The following PEMT variants were observed in gnomAD, a reference collection of about 807,000 sequenced individuals.
The protein encoded by PEMT is phosphatidylethanolamine N-methyltransferase.
A neutral mutation model predicts 27.4 loss-of-function variants in PEMT; 23 were observed. That is an observed-to-expected ratio of 0.84 (90% CI 0.60 to 1.19). The LOEUF (loss-of-function observed/expected upper bound fraction) is 1.19. Among genes scored for constraint, PEMT ranks in the 50% most tolerant of loss-of-function variants. PEMT has a pLI of 0.00. For synonymous variants in PEMT, 137 were observed against 139.1 expected (o/e 0.98, Z 0.11); for missense variants, 307 against 310.1 (o/e 0.99, Z 0.07).
At chr17:17,571,168 G>GAGGTCATTCACTCTCTGAGGACAC in intron 2 of PEMT, among the ~76,000 whole-genome samples, 1 of 152,010 alleles carries the variant, frequency 6.6e-6, no homozygotes, top group Non-Finnish European at 1.5e-5. Context: ...TGGAAGGACA[G>GAGGTCATTCACTCTCTGAGGACAC]AGGTCATTCA....
chr17:17,508,789 C>T lies in PEMT; in HGVS notation c.578+645G>A, dbSNP rs540526988. 6.4e-5 allele frequency: 30 copies of T among 466,662 alleles called. 1 individual carries two copies. The highest frequency in any genetic ancestry group is 4.1e-4 in the South Asian group (26 of 64,196). 28.9% of individuals were successfully genotyped at this position (466,662 alleles called of 1,614,324 possible). A position where few individuals can be genotyped will look rare whatever the true frequency, so the allele number is the denominator to read the frequency against. On this transcript the variant is annotated intron_variant, in intron 5 of 6. Coordinates refer to ENST00000255389, the MANE Select transcript of PEMT (RefSeq NM_148172.3). ...GAGGCCGACAGCAGTTCTAGGCTTCCCTCATGGCACGGGGCCCCCTCTGTG... is the reference window on the plus strand; with the variant it reads ...GAGGCCGACAGCAGTTCTAGGCTTCTCTCATGGCACGGGGCCCCCTCTGTG...
At chr17:17,564,064 C>T (rs1331919130) in intron 2 of PEMT, among the ~76,000 whole-genome samples, 1 of 152,186 alleles carries the variant, frequency 6.6e-6, no homozygotes, top group South Asian at 2.1e-4. Flanking sequence ...GCCCTCTTGG[C>T]TAAGGTGGTT....
chr17:17,570,835 C>G (rs1281336974), intron 2 of PEMT: 1 of 985,278 alleles, frequency 1.0e-6, no homozygotes, highest in East Asian at 1.1e-4. Context: ...GGCACGAAGC[C>G]AGGTAGAGTC....
At chr17:17,572,790 A>T (rs536937007) in intron 2 of PEMT, among the ~76,000 whole-genome samples, 1 of 152,358 alleles carries the variant, frequency 6.6e-6, no homozygotes, top group South Asian at 2.1e-4. Context: ...TATTAACAGC[A>T]TTTGCTGTGA....
intron 2 of PEMT, among the ~76,000 whole-genome samples, chr17:17,525,338 C>G (rs151182890): frequency 3.9e-5 from 6 of 152,280 alleles, no homozygotes; most frequent in African/African-American, 1.4e-4. Context: ...TGCCTCCCAG[C>G]GAACTGGTAT....
At chr17:17,516,323 C>T (rs1906833094) in intron 3 of PEMT, among the ~76,000 whole-genome samples, 1 of 152,120 alleles carries the variant, frequency 6.6e-6, no homozygotes, top group Admixed American at 6.6e-5. Flanking sequence ...ATCTATGCAA[C>T]CCCCGAGACC....
At chr17:17,522,998 GT>G (rs1012624848) in intron 2 of PEMT, among the ~76,000 whole-genome samples, 46 of 152,050 alleles carry the variant, frequency 3.0e-4, no homozygotes, top group African/African-American at 9.9e-4. Context: ...CTTTTACTTT[GT>G]TTTTTTTCAA....
At chr17:17,586,228 GAAA>G (rs1912259288) in intron 1 of PEMT, among the ~76,000 whole-genome samples, 1 of 65,120 alleles carries the variant, frequency 1.5e-5, no homozygotes, top group Non-Finnish European at 2.8e-5. Context: ...AAGAAAGAAA[GAAA>G]GAAAGAAAGA....
chr17:17,507,337 G>GC (rs1905957637), intron 5 of PEMT: 12 of 697,484 alleles, frequency 1.7e-5, no homozygotes, highest in Non-Finnish European at 2.5e-5. Context: ...GTGCCAAGCT[G>GC]CCCCCTCCCC....
chr17:17,540,038 G>A lies in PEMT; in HGVS notation c.205-17643C>T, dbSNP rs542528657. 3.3e-5 allele frequency among the ~76,000 whole-genome samples: 5 copies of A among 152,360 alleles called. No homozygotes were observed. The East Asian group carries it at 5.8e-4, about 18-fold the overall frequency. ...AGGAACAAAGGCTGGGGGCATGGAA[G>A]GACAGAGACATCTTCTGGAAAAGAC... On this transcript the variant is annotated intron_variant, in intron 2 of 6. Coordinates refer to ENST00000255389, the MANE Select transcript of PEMT (RefSeq NM_148172.3).
chr17:17,554,927 T>C (rs1395782805), intron 2 of PEMT, among the ~76,000 whole-genome samples: 2 of 152,094 alleles, frequency 1.3e-5, no homozygotes, highest in Admixed American at 1.3e-4. Context: ...GCAGATTTTT[T>C]TAAAGGTCCC....
intron 4 of PEMT, among the ~76,000 whole-genome samples, chr17:17,510,426 G>A (rs1194666949): frequency 6.6e-6 from 1 of 152,200 alleles, no homozygotes; most frequent in African/African-American, 2.4e-5. Flanking sequence ...GAGGACAATG[G>A]AGCTTCATCC....
chr17:17,519,424 T>A (rs375915738), intron 3 of PEMT, among the ~76,000 whole-genome samples: 2 of 152,148 alleles, frequency 1.3e-5, no homozygotes, highest in Non-Finnish European at 2.9e-5. Flanking sequence ...AACGCTGATA[T>A]GAGAGGAGGG....
At chr17:17,565,727 G>T (rs1910785374) in intron 2 of PEMT, among the ~76,000 whole-genome samples, 1 of 152,272 alleles carries the variant, frequency 6.6e-6, no homozygotes, top group Admixed American at 6.5e-5. Context: ...CTCCCAGGCT[G>T]ACTCCGCACT....
chr17:17,550,380 G>C (rs901463283), intron 2 of PEMT, among the ~76,000 whole-genome samples: 2 of 152,202 alleles, frequency 1.3e-5, no homozygotes, highest in African/African-American at 4.8e-5. Context: ...CTTTGCAGAT[G>C]CACAGCTGGG....
chr17:17,528,157 C>A (rs535905807), intron 2 of PEMT, among the ~76,000 whole-genome samples: 1 of 152,230 alleles, frequency 6.6e-6, no homozygotes, highest in South Asian at 2.1e-4. Flanking sequence ...GTGGGCCGTG[C>A]GCCAGCACAG....
At chr17:17,528,131 C>G (rs1907826675) in intron 2 of PEMT, among the ~76,000 whole-genome samples, 1 of 152,256 alleles carries the variant, frequency 6.6e-6, no homozygotes, top group South Asian at 2.1e-4. Flanking sequence ...GAGCCCATCC[C>G]TTTTGTTTAG....
chr17:17,514,957 G>C (rs1906708212), intron 3 of PEMT, among the ~76,000 whole-genome samples: 1 of 152,204 alleles, frequency 6.6e-6, no homozygotes, highest in African/African-American at 2.4e-5. Flanking sequence ...TTAGAGTCTG[G>C]GGCAGGGCAT....
chr17:17,527,031 G>A (rs1318924887), intron 2 of PEMT, among the ~76,000 whole-genome samples: 2 of 151,984 alleles, frequency 1.3e-5, no homozygotes. Flanking sequence ...AGAAAGTCGA[G>A]TTTTTTATTT....
Sources: allele counts gnomAD v4.1 joint callset (sites outside exome capture counted in the v4.1 genomes callset), GRCh38; gene constraint gnomAD v4.1.1; transcripts MANE v1.5; gene names NCBI Gene and HGNC (gene_info 2026-07-23, HGNC 2026-07-21).